ANO2: variants seen among roughly 807,000 people sequenced by gnomAD.
ANO2 encodes the protein anoctamin-2.
ANO2 carries 101 observed loss-of-function variants against 124.2 expected under a neutral mutation model. The ratio of observed to expected loss-of-function variants is 0.81; its 90% CI spans 0.69 to 0.96. The LOEUF (loss-of-function observed/expected upper bound fraction) is 0.96, where lower values mean the gene tolerates loss of function less well. Ranked by LOEUF, ANO2 falls within the 40% of genes least tolerant of loss-of-function variation. ANO2 has a pLI of 0.00. For synonymous variants in ANO2, 486 were observed against 482.5 expected, an observed-to-expected ratio of 1.01 and a Z score of -0.09; for missense variants, 1,293 against 1,274.5, an observed-to-expected ratio of 1.01 and a Z score of -0.22.
intron 3 of ANO2, among the ~76,000 whole-genome samples, chr12:5,881,541 T>C (rs1314192011): frequency 1.3e-5 from 2 of 152,246 alleles, no homozygotes; most frequent in African/African-American, 4.8e-5. Context: ...CCTGGGGCTA[T>C]ACAGCATGCT....
intron 15 of ANO2, among the ~76,000 whole-genome samples, chr12:5,640,524 A>T (rs1184432716): frequency 6.6e-6 from 1 of 152,220 alleles, no homozygotes; most frequent in African/African-American, 2.4e-5. Flanking sequence ...ACTTAAACAA[A>T]TTTACAAGAA....
At chr12:5,909,792 A>G (rs1940937821) in intron 3 of ANO2, among the ~76,000 whole-genome samples, 1 of 152,180 alleles carries the variant, frequency 6.6e-6, no homozygotes, top group Non-Finnish European at 1.5e-5. Context: ...ATCTCCCTTC[A>G]TACAGCAGCC....
intron 16 of ANO2, among the ~76,000 whole-genome samples, chr12:5,629,921 C>T (rs796785735): frequency 3.3e-5 from 5 of 152,360 alleles, no homozygotes; most frequent in African/African-American, 1.2e-4. Flanking sequence ...TGCATCTACG[C>T]TCCTGAGTAT....
At chr12:5,931,545 A>G in intron 1 of ANO2, among the ~76,000 whole-genome samples, 1 of 146,382 alleles carries the variant, frequency 6.8e-6, no homozygotes, top group South Asian at 2.3e-4. Flanking sequence ...GAAGACTGGT[A>G]AGAAAGTGAC....
In ANO2 at chr12:5,827,760, G is replaced by C. The variant is rs779901373; in HGVS notation, c.892+9C>G. 8.1e-6 allele frequency: 13 copies of C among 1,609,048 alleles called. No homozygotes were observed. In the African/African-American group the frequency reaches 1.6e-4, roughly 20 times the overall value. On this transcript the variant is annotated intron_variant, in intron 7 of 24. Transcript: ENST00000682330. ...CGTCAGCACCCTGCCCGCGGGCTGG[G>C]GTCCTTACCCATCGTGTTGTTGGCT... is the stretch of plus-strand genomic sequence containing the variant.
intron 10 of ANO2, among the ~76,000 whole-genome samples, chr12:5,781,300 G>C (rs1952386724): frequency 6.6e-6 from 1 of 152,228 alleles, no homozygotes; most frequent in South Asian, 2.1e-4. Flanking sequence ...GAACTGGCCA[G>C]ACATATTCCA....
intron 3 of ANO2, among the ~76,000 whole-genome samples, chr12:5,919,649 G>C (rs1941581043): frequency 6.6e-6 from 1 of 152,206 alleles, no homozygotes; most frequent in Non-Finnish European, 1.5e-5. Flanking sequence ...GGAAGGTAGG[G>C]AGGGTGGGAA....
chr12:5,851,830 A>G lies in ANO2; in HGVS notation c.633+2213T>C, dbSNP rs890135832. 24 of 685,132 alleles carry G rather than the reference A, an allele frequency of 3.5e-5. No homozygotes were observed. In the African/African-American group the frequency reaches 4.3e-4, roughly 12 times the overall value. 42.4% of individuals were successfully genotyped at this position (685,132 alleles called of 1,614,324 possible). ...ATGAGAGTAGAAAGACGGGAAGGAAAGCAAAGAGGGAAAATAAGCAAGCGG... is the reference window on the plus strand; with the variant it reads ...ATGAGAGTAGAAAGACGGGAAGGAAGGCAAAGAGGGAAAATAAGCAAGCGG... On this transcript the variant is annotated intron_variant, in intron 4 of 24. Transcript: ENST00000682330.
At chr12:5,611,460 T>C (rs998254868) in intron 19 of ANO2, among the ~76,000 whole-genome samples, 2 of 152,202 alleles carry the variant, frequency 1.3e-5, no homozygotes, top group African/African-American at 4.8e-5. Flanking sequence ...CTTAGCCATA[T>C]GAGCCATGAG....
chr12:5,804,423 A>T (rs1953130553), intron 9 of ANO2, among the ~76,000 whole-genome samples: 1 of 152,160 alleles, frequency 6.6e-6, no homozygotes, highest in South Asian at 2.1e-4. Context: ...GCTAGGTATC[A>T]CCAAGACTGG....
chr12:5,883,171 C>G (rs1157887774), intron 3 of ANO2, among the ~76,000 whole-genome samples: 1 of 152,080 alleles, frequency 6.6e-6, no homozygotes, highest in Non-Finnish European at 1.5e-5. Flanking sequence ...GGCTTCCCGT[C>G]ACTCCCCGCC....
chr12:5,852,848 CGT>C (rs71445682), intron 4 of ANO2, among the ~76,000 whole-genome samples: 12,669 of 123,810 alleles, frequency 0.1, 639 homozygotes, highest in African/African-American at 0.15. Context: ...TGGAAAGGGA[CGT>C]GTGTGTGTGT....
chr12:5,576,083 C>A, intron 22 of ANO2, 68 bp from the exon 23 acceptor site: 1 of 1,443,502 alleles, frequency 6.9e-7, no homozygotes, highest in South Asian at 1.4e-5. Flanking sequence ...CACTCTTAGG[C>A]TCCCCATCAG....
intron 4 of ANO2, chr12:5,836,765 G>A (rs1214531894): frequency 6.5e-6 from 1 of 154,344 alleles, no homozygotes; most frequent in Non-Finnish European, 1.5e-5. Context: ...CTGAGGTCTC[G>A]TGTTATTGTC....
intron 14 of ANO2, among the ~76,000 whole-genome samples, chr12:5,711,157 CAAAAAAAA>C (rs200477878): frequency 1.1e-5 from 1 of 92,824 alleles, no homozygotes; most frequent in Non-Finnish European, 2.3e-5. Context: ...GACTCTGTCT[CAAAAAAAA>C]AAAAAAAAAT....
chr12:5,580,596 T>TA (rs1417469639), intron 20 of ANO2, among the ~76,000 whole-genome samples: 1 of 152,232 alleles, frequency 6.6e-6, no homozygotes, highest in African/African-American at 2.4e-5. Flanking sequence ...CGCATTGTCT[T>TA]AGACAAGCTT....
chr12:5,618,179 G>C (rs1397339839), intron 16 of ANO2, among the ~76,000 whole-genome samples: 1 of 152,202 alleles, frequency 6.6e-6, no homozygotes, highest in African/African-American at 2.4e-5. Context: ...GCCCCTCCCT[G>C]CCTGAAGGTC....
rs1470359545 is a variant in ANO2, at chr12:5,925,669, A to C, written c.23-2865T>G. Among the ~76,000 whole-genome samples, 1 of 152,258 alleles carries C rather than the reference A, an allele frequency of 6.6e-6. No homozygotes were observed. Among genetic ancestry groups the C allele is most frequent in the Non-Finnish European group, 1.5e-5 (1 of 68,050 alleles). On this transcript the variant is annotated intron_variant, in intron 1 of 24. Transcript: ENST00000682330. The surrounding 1 kb of genome is among the most constrained non-coding windows in gnomAD (Gnocchi z 4.6). Reference sequence around the variant, plus strand: ...ATTAGAAGGAAAGGCCATCGTACACAGCCCGTGGAACATGTCACCCATTTG... The same window carrying C: ...ATTAGAAGGAAAGGCCATCGTACACCGCCCGTGGAACATGTCACCCATTTG...
intron 7 of ANO2, among the ~76,000 whole-genome samples, chr12:5,809,756 T>C (rs1346878137): frequency 7.2e-5 from 11 of 152,180 alleles, no homozygotes; most frequent in African/African-American, 2.4e-4. Context: ...CAAGGTTTGC[T>C]CATTGTTTTG....
Sources: gnomAD v4.1 joint callset for allele counts (sites outside exome capture counted in the v4.1 genomes callset) on GRCh38, gnomAD v4.1.1 for gene constraint, Gnocchi (gnomAD v3.1) non-coding constraint, MANE v1.5 for transcripts, NCBI Gene and HGNC (gene_info 2026-07-23, HGNC 2026-07-21) for gene names.